Variants in ASIC2 observed in about 807,000 individuals in gnomAD.
ASIC2 encodes the protein acid-sensing ion channel 2.
ASIC2 carries 25 observed loss-of-function variants against 57.3 expected under a neutral mutation model. That is an observed-to-expected ratio of 0.44 (90% confidence interval 0.32 to 0.61). The LOEUF (loss-of-function observed/expected upper bound fraction) is 0.61. Ranked by LOEUF, ASIC2 falls within the 20% of genes least tolerant of loss-of-function variation. The probability of loss-of-function intolerance (pLI) is 0.06; values close to 1 mark genes in which losing one functional copy is unlikely to be tolerated. For synonymous variants in ASIC2, 319 were observed against 307.5 expected, an observed-to-expected ratio of 1.04 and a Z score of -0.39; for missense variants, 641 against 738.1, an observed-to-expected ratio of 0.87 and a Z score of 1.52.
chr17:33,073,345 G>A (rs544312211), intron 3 of ASIC2, among the ~76,000 whole-genome samples: 118 of 152,304 alleles, frequency 7.7e-4, no homozygotes, highest in African/African-American at 2.6e-3. Context: ...TCCACATGGA[G>A]TGGTCAGAAG....
chr17:33,864,798 G>C (rs193120608), intron 1 of ASIC2, among the ~76,000 whole-genome samples: 1 of 152,144 alleles, frequency 6.6e-6, no homozygotes, highest in Non-Finnish European at 1.5e-5. Context: ...CTACAAAACA[G>C]AGCATTAATA....
rs142405058 is a variant in ASIC2, at chr17:33,096,341, C to A, written c.860-7351G>T. Among the ~76,000 whole-genome samples the A allele has an allele frequency of 5.2e-3, 797 of 152,288 alleles. 3 individuals carry two copies. Among genetic ancestry groups the A allele is most frequent in the Non-Finnish European group, 9.1e-3 (616 of 68,028 alleles). ...TCGAATGCCTACCATGAGCATGTGC[C>A]ACCGGCCTTGGACCTTTGCCTGGCT... On this transcript the variant is annotated intron_variant, in intron 2 of 9. Transcript: ENST00000225823.
At chr17:33,409,573 T>C (rs1416205878) in intron 1 of ASIC2, among the ~76,000 whole-genome samples, 2 of 152,218 alleles carry the variant, frequency 1.3e-5, no homozygotes, top group African/African-American at 2.4e-5. Flanking sequence ...TATTCTCTTA[T>C]TCCCTCACCC....
At chr17:34,120,428 T>C (rs1302008735) in intron 1 of ASIC2, among the ~76,000 whole-genome samples, 1 of 151,960 alleles carries the variant, frequency 6.6e-6, no homozygotes, top group Non-Finnish European at 1.5e-5. Context: ...CTCATTTAGA[T>C]GAGATATTAG....
intron 1 of ASIC2, among the ~76,000 whole-genome samples, chr17:33,224,714 T>C (rs1435278184): frequency 6.6e-6 from 1 of 152,186 alleles, no homozygotes; most frequent in African/African-American, 2.4e-5. Flanking sequence ...TCATGACTTA[T>C]GATATGGGCA....
intron 1 of ASIC2, among the ~76,000 whole-genome samples, chr17:33,518,882 G>A (rs1022820392): frequency 5.0e-4 from 76 of 151,798 alleles, no homozygotes; most frequent in African/African-American, 5.6e-4. Flanking sequence ...GTACAGTGGC[G>A]TGATCTCGGC....
chr17:33,279,978 C>G (rs775629154), intron 1 of ASIC2, among the ~76,000 whole-genome samples: 6 of 152,114 alleles, frequency 3.9e-5, no homozygotes, highest in Non-Finnish European at 7.3e-5. Flanking sequence ...TCCTGGCAAC[C>G]CATTCCACCT....
intron 1 of ASIC2, among the ~76,000 whole-genome samples, chr17:33,703,066 A>G (rs1025541244): frequency 6.6e-6 from 1 of 152,162 alleles, no homozygotes; most frequent in Non-Finnish European, 1.5e-5. Context: ...GGATATGAAG[A>G]GTACAAAGGA....
chr17:34,032,561 G>C (rs1907664185), intron 1 of ASIC2, among the ~76,000 whole-genome samples: 1 of 152,172 alleles, frequency 6.6e-6, no homozygotes, highest in African/African-American at 2.4e-5. Context: ...AAAAGACACA[G>C]ACTGGCAAAT....
chr17:33,101,869 GT>G (rs750724265), intron 2 of ASIC2, among the ~76,000 whole-genome samples: 4 of 151,192 alleles, frequency 2.6e-5, no homozygotes, highest in Admixed American at 1.3e-4. Context: ...TTTCCATTTT[GT>G]TTTGTTTTAC....
At chr17:33,576,582 A>G (rs773837933) in intron 1 of ASIC2, among the ~76,000 whole-genome samples, 11 of 152,176 alleles carry the variant, frequency 7.2e-5, no homozygotes, top group Admixed American at 2.6e-4. Flanking sequence ...ACAGCGCCCA[A>G]TGTCCTCCAA....
chr17:33,671,285 G>T (rs560754969), intron 1 of ASIC2, among the ~76,000 whole-genome samples: 2 of 152,056 alleles, frequency 1.3e-5, no homozygotes, highest in Non-Finnish European at 2.9e-5. Flanking sequence ...ATGTACACAC[G>T]CACACCCAGC....
At chr17:33,179,061 G>A (rs78377822) in intron 1 of ASIC2, among the ~76,000 whole-genome samples, 9,954 of 152,274 alleles carry the variant, frequency 0.065, 451 homozygotes, top group East Asian at 0.19. Context: ...AGGCAACCTG[G>A]CACAAATTTG....
At chr17:33,129,036 T>C (rs1350367384) in intron 1 of ASIC2, among the ~76,000 whole-genome samples, 1 of 152,208 alleles carries the variant, frequency 6.6e-6, no homozygotes, top group Admixed American at 6.5e-5. Context: ...TGTTGAATGA[T>C]TGAATTAAAA....
intron 1 of ASIC2, among the ~76,000 whole-genome samples, chr17:33,524,673 C>T (rs531946841): frequency 1.1e-4 from 17 of 152,096 alleles, no homozygotes; most frequent in Non-Finnish European, 1.3e-4. Context: ...CTGCTGCTCA[C>T]GAGAATGAGG....
intron 1 of ASIC2, among the ~76,000 whole-genome samples, chr17:33,402,017 C>G (rs781045064): frequency 2.0e-5 from 3 of 152,136 alleles, no homozygotes; most frequent in Non-Finnish European, 4.4e-5. Flanking sequence ...TATTGTTCCA[C>G]AAGGCAAGAA....
chr17:33,342,035 T>A (rs879579324), intron 1 of ASIC2, among the ~76,000 whole-genome samples: 1 of 152,192 alleles, frequency 6.6e-6, no homozygotes, highest in Non-Finnish European at 1.5e-5. Flanking sequence ...TCACATATTT[T>A]GATTTAAACT....
chr17:33,212,965 T>C (rs1395905184), intron 1 of ASIC2, among the ~76,000 whole-genome samples: 4 of 152,244 alleles, frequency 2.6e-5, no homozygotes, highest in African/African-American at 9.6e-5. Flanking sequence ...TCTCTGCAAG[T>C]GTCGTGACTT....
intron 1 of ASIC2, among the ~76,000 whole-genome samples, chr17:33,143,887 C>T (rs1235833432): frequency 1.3e-5 from 2 of 152,058 alleles, no homozygotes; most frequent in African/African-American, 2.4e-5. Context: ...AAAAAAGTTG[C>T]AATAAGAAAT....
Sources: gnomAD v4.1 joint callset for allele counts (sites outside exome capture counted in the v4.1 genomes callset) on GRCh38, gnomAD v4.1.1 for gene constraint, MANE v1.5 for transcripts, NCBI Gene and HGNC (gene_info 2026-07-23, HGNC 2026-07-21) for gene names.